Variants in SMC5 observed in about 807,000 individuals in gnomAD.
SMC5 encodes structural maintenance of chromosomes 5, also known as structural maintenance of chromosomes protein 5.
SMC5 carries 88 observed loss-of-function variants against 148.3 expected under a neutral mutation model. The ratio of observed to expected loss-of-function variants is 0.59; its 90% CI spans 0.50 to 0.71. The LOEUF is 0.71. Among genes scored for constraint, SMC5 ranks in the 30% least tolerant of loss-of-function variants. The pLI is 0.00. For missense variants in SMC5, 1,142 were observed against 1,298.9 expected, an observed-to-expected ratio of 0.88 and a Z score of 1.86; for synonymous variants, 421 against 432.8, an observed-to-expected ratio of 0.97 and a Z score of 0.34.
At chr9:70,278,771 T>C in intron 5 of SMC5, 146 bp downstream of exon 5, 1 of 702,468 alleles carries the variant, frequency 1.4e-6, no homozygotes. Flanking sequence ...TAATATCAGT[T>C]AAAGTGACAG....
Position 70,318,802 on chromosome 9 carries a change from T to C in SMC5, c.1989T>C (p.His663=), listed in dbSNP as rs773154427. 6.4e-7 allele frequency: 1 copy of C among 1,562,846 alleles called. No individual in the cohort carries two copies. Among genetic ancestry groups the C allele is most frequent in the South Asian group, 1.2e-5 (1 of 81,180 alleles). Residue 663 remains histidine (H), a synonymous_variant, in exon 15 of 25, where the codon CAT becomes CAC. Transcript: ENST00000361138. The stretch of plus-strand genomic sequence containing the variant: ...TTTTAAATATTTTATAGGAAATTCA[T>C]AGAAAATTGCAAGCAGTGGATTCAG... ...RHLEEQLKEI[H]RKLQAVDSGL...
intron 15 of SMC5, among the ~76,000 whole-genome samples, chr9:70,321,619 C>G (rs2035950048): frequency 2.0e-5 from 3 of 151,966 alleles, no homozygotes; most frequent in Admixed American, 2.0e-4. Flanking sequence ...AGACCTCAAT[C>G]AGTCCTCCCG....
chr9:70,346,624 A>G lies in SMC5; in HGVS notation c.2543A>G (p.Asn848Ser). The G allele has an allele frequency of 1.2e-6, 2 of 1,613,992 alleles. No homozygotes were observed. The highest frequency in any genetic ancestry group is 2.2e-5 in the East Asian group (1 of 44,860). Reference protein sequence around the residue: ...EYQTQVPTIPNGHNSSLPMVF... With the variant: ...EYQTQVPTIPSGHNSSLPMVF... ...ATTCAGCAAGTACCCACCATTCCAA[A>G]TGGACACAACTCCTCACTCCCCATG... is the stretch of plus-strand genomic sequence containing the variant. The change falls in exon 19 of 25, where the codon AAT becomes AGT. Residue 848 changes from asparagine to serine, a missense_variant. By Grantham distance (46) the Asn-to-Ser change is conservative. Around this residue, in one of 5 missense-constraint regions of SMC5, gnomAD observed 743 missense variants for 835.7 expected, o/e 0.89. Transcript: ENST00000361138.
rs1295696653 is a variant in SMC5, at chr9:70,259,015, C to T, written c.-64C>T. ...AGCGGGGCGCCTGGGTGGATGGGCG[C>T]TTGGGCGCCTGGGCTGCCGGACGGT... On this transcript the variant is annotated 5_prime_UTR_variant, in exon 1 of 25. Transcript: ENST00000361138. 2.0e-6 allele frequency: 3 copies of T among 1,501,164 alleles called. No individual in the cohort carries two copies. The highest frequency in any genetic ancestry group is 1.4e-5 in the African/African-American group (1 of 70,988). 93.0% of individuals were successfully genotyped at this position (1,501,164 alleles called of 1,614,324 possible). A position where few individuals can be genotyped will look rare whatever the true frequency, so the allele number is the denominator to read the frequency against.
intron 10 of SMC5, among the ~76,000 whole-genome samples, chr9:70,304,283 T>C (rs2035440307): frequency 6.6e-6 from 1 of 152,068 alleles, no homozygotes; most frequent in Non-Finnish European, 1.5e-5. Context: ...CTCACTTTGT[T>C]TCCTGGGCTG....
At chr9:70,322,247 T>G (rs2035966631) in intron 15 of SMC5, among the ~76,000 whole-genome samples, 1 of 152,226 alleles carries the variant, frequency 6.6e-6, no homozygotes, top group Non-Finnish European at 1.5e-5. Context: ...TTTAACCCTT[T>G]CCTTCATTCC....
chr9:70,346,793 T>C, intron 19 of SMC5, 144 bp downstream of exon 19: 4 of 857,046 alleles, frequency 4.7e-6, no homozygotes, highest in Non-Finnish European at 7.5e-6. Flanking sequence ...ATACTTCTTT[T>C]CTCTAAATTC....
intron 18 of SMC5, 95 bp from the exon 19 acceptor site, chr9:70,346,510 A>T: frequency 8.5e-7 from 1 of 1,180,068 alleles, no homozygotes; most frequent in Middle Eastern, 2.0e-4. Flanking sequence ...GATTCTCAGG[A>T]TGCTTTTTTA....
At position 70,259,667 on chromosome 9, in the gene SMC5, A is replaced by T. The variant is rs1564015883; in HGVS notation, c.185+404A>T. On this transcript the variant is annotated intron_variant, in intron 1 of 24. Transcript: ENST00000361138. ...CGGCGTGATAGTGATGCTGTGGCGG[A>T]TTCTTAGGGTAGGCATTTGCCAGAG... 3.3e-5 allele frequency among the ~76,000 whole-genome samples: 5 copies of T among 152,126 alleles called. No individual in the cohort carries two copies. In the South Asian group the frequency reaches 1.0e-3, roughly 31 times the overall value.
intron 3 of SMC5, among the ~76,000 whole-genome samples, chr9:70,271,911 G>T (rs1441337687): frequency 6.6e-6 from 1 of 152,232 alleles, no homozygotes; most frequent in Non-Finnish European, 1.5e-5. Context: ...AGGAAGTCAA[G>T]CCTGTATTCA....
At chr9:70,272,679 G>T (rs903006669) in intron 3 of SMC5, among the ~76,000 whole-genome samples, 1 of 152,204 alleles carries the variant, frequency 6.6e-6, no homozygotes, top group East Asian at 1.9e-4. Flanking sequence ...TATTATGATG[G>T]ATTAAATCAC....
At chr9:70,282,611 T>C in intron 7 of SMC5, 28 bp downstream of exon 7, 1 of 1,538,566 alleles carries the variant, frequency 6.5e-7, no homozygotes, top group Non-Finnish European at 8.7e-7. Context: ...TTTTGGATTA[T>C]CTGAATTTTA....
chr9:70,286,301 A>T (rs376743322), intron 8 of SMC5, 30 bp downstream of exon 8: 1 of 1,416,638 alleles, frequency 7.1e-7, no homozygotes, highest in African/African-American at 1.4e-5. Context: ...TTTTTATTAC[A>T]TTAAAGTTTG....
intron 11 of SMC5, among the ~76,000 whole-genome samples, chr9:70,308,231 A>G (rs913951906): frequency 2.0e-5 from 3 of 152,100 alleles, no homozygotes; most frequent in Admixed American, 6.6e-5. Context: ...CTTCTGTATT[A>G]GTGAAAAACA....
At chr9:70,300,286 AC>A in intron 10 of SMC5, 86 bp downstream of exon 10, 1 of 1,252,066 alleles carries the variant, frequency 8.0e-7, no homozygotes, top group Non-Finnish European at 1.1e-6. Context: ...TCCCAATATT[AC>A]CCTGGTTTTA....
At chr9:70,260,366 C>G (rs1006920607) in intron 1 of SMC5, among the ~76,000 whole-genome samples, 9 of 152,216 alleles carry the variant, frequency 5.9e-5, no homozygotes, top group Non-Finnish European at 8.8e-5. Context: ...CTCGGCCTCC[C>G]GTAGTGCTGG....
Position 70,264,459 on chromosome 9 carries a change from ATTAC to A in SMC5, c.327+17_327+20del. 1.2e-6 allele frequency: 2 copies of A among 1,610,540 alleles called. No homozygotes were observed. Among genetic ancestry groups the A allele is most frequent in the Non-Finnish European group, 1.7e-6 (2 of 1,178,802 alleles). On this transcript the variant is annotated intron_variant, in intron 2 of 24. Coordinates refer to ENST00000361138, the MANE Select transcript of SMC5 (RefSeq NM_015110.4). ...CGAGCAGATAAGGTGAGTTAATATA[ATTAC>A]TTTTTAAGAAATTTCAAACCTATTA...
rs536105671 is a variant in SMC5, at chr9:70,295,641, G to A, written c.1054-2325G>A. ...AGGACTAATGTGATTAGTCATGGTA[G>A]TTTCTTGGATGAAGGTAACAAATGA... On this transcript the variant is annotated intron_variant, in intron 8 of 24. Transcript: ENST00000361138. Among the ~76,000 whole-genome samples the A allele has an allele frequency of 5.3e-5, 8 of 152,254 alleles. No individual in the cohort carries two copies. The South Asian group carries it at 1.5e-3, about 28-fold the overall frequency.
Position 70,354,065 on chromosome 9 carries a change from T to G in SMC5, c.*1734T>G, listed in dbSNP as rs962966454. The G allele has an allele frequency of 1.3e-5, 2 of 152,230 alleles. No individual in the cohort carries two copies. The highest frequency in any genetic ancestry group is 2.9e-5 in the Non-Finnish European group (2 of 68,034). The allele number at this position is 152,230 out of a possible 1,614,324, so 9.4% of individuals were successfully genotyped here. On this transcript the variant is annotated 3_prime_UTR_variant, in exon 25 of 25. Transcript: ENST00000361138. ...ATAGGCCAACAACTGTTCCATACTTTGTTTGTAAACATTTAATTTCTCTAC... is the reference window on the plus strand; with the variant it reads ...ATAGGCCAACAACTGTTCCATACTTGGTTTGTAAACATTTAATTTCTCTAC...
Sources: allele counts gnomAD v4.1 joint callset (sites outside exome capture counted in the v4.1 genomes callset), GRCh38; gene constraint gnomAD v4.1.1; regional missense constraint gnomAD v4.1.1; transcripts MANE v1.5; gene names NCBI Gene and HGNC (gene_info 2026-07-23, HGNC 2026-07-21).